PIK3C2G: variants seen among roughly 807,000 people sequenced by gnomAD.
The protein encoded by PIK3C2G is phosphatidylinositol 3-kinase C2 domain-containing subunit gamma.
Under a neutral mutation model 181.1 loss-of-function variants are expected in PIK3C2G, and 168 were observed. The ratio of observed to expected loss-of-function variants is 0.93; its 90% confidence interval spans 0.82 to 1.05. The LOEUF (loss-of-function observed/expected upper bound fraction) is 1.05. PIK3C2G is among the 50% of genes least tolerant of loss of function. The pLI is 0.00. For missense variants in PIK3C2G, 1,869 were observed against 1,732.8 expected, an observed-to-expected ratio of 1.08 and a Z score of -1.40; for synonymous variants, 573 against 592.2, an observed-to-expected ratio of 0.97 and a Z score of 0.47.
At chr12:18,579,554 T>G (rs925548380) in intron 29 of PIK3C2G, among the ~76,000 whole-genome samples, 1 of 152,064 alleles carries the variant, frequency 6.6e-6, no homozygotes, top group African/African-American at 2.4e-5. Flanking sequence ...TGTCTGTCTC[T>G]CTCTCTCTCT....
At chr12:18,651,011 G>A (rs1190140359), downstream of PIK3C2G, among the ~76,000 whole-genome samples, 2 of 151,422 alleles carry the variant, frequency 1.3e-5, no homozygotes, top group Admixed American at 1.3e-4. Context: ...ACTCTGCAGG[G>A]GCTTCTAATC....
At chr12:18,331,638 C>A (rs1169220142) in intron 8 of PIK3C2G, among the ~76,000 whole-genome samples, 1 of 151,962 alleles carries the variant, frequency 6.6e-6, no homozygotes, top group African/African-American at 2.4e-5. Context: ...GTCTATAGCC[C>A]TCTTATTTTT....
intron 8 of PIK3C2G, among the ~76,000 whole-genome samples, chr12:18,337,029 A>T (rs1011635993): frequency 2.6e-5 from 4 of 152,184 alleles, no homozygotes; most frequent in Non-Finnish European, 5.9e-5. Flanking sequence ...GTGAAAATAA[A>T]AGGAAAAACT....
upstream of PIK3C2G, among the ~76,000 whole-genome samples, chr12:18,261,377 TTTC>T (rs1948227328): frequency 6.6e-6 from 1 of 152,160 alleles, no homozygotes; most frequent in African/African-American, 2.4e-5. Flanking sequence ...GCAAACCTTT[TTTC>T]TTTTTTTTTC....
intron 24 of PIK3C2G, among the ~76,000 whole-genome samples, chr12:18,520,977 T>G (rs1486729047): frequency 1.3e-5 from 2 of 152,154 alleles, no homozygotes; most frequent in Admixed American, 6.5e-5. Flanking sequence ...TTGTTTGTTT[T>G]TTTTCTTTTA....
intron 31 of PIK3C2G, among the ~76,000 whole-genome samples, chr12:18,612,829 ATTGT>A (rs1005574066): frequency 6.6e-6 from 1 of 152,116 alleles, no homozygotes; most frequent in Non-Finnish European, 1.5e-5. Flanking sequence ...GATGAAAAGT[ATTGT>A]TTATCTTTTA....
At chr12:18,668,818 T>C in the PIK3C2G span, among the ~76,000 whole-genome samples, 1 of 152,294 alleles carries the variant, frequency 6.6e-6, no homozygotes, top group Middle Eastern at 3.4e-3. Flanking sequence ...GATACATATC[T>C]ACTCATACAT....
chr12:18,599,414 C>T (rs536324792), intron 30 of PIK3C2G, among the ~76,000 whole-genome samples: 4,268 of 151,678 alleles, frequency 0.028, 67 homozygotes, highest in Middle Eastern at 0.061. Flanking sequence ...AACCAAACAC[C>T]GCATATTCTC....
chr12:18,494,628 C>T (rs1329774061), intron 20 of PIK3C2G, among the ~76,000 whole-genome samples: 4 of 152,026 alleles, frequency 2.6e-5, no homozygotes, highest in African/African-American at 9.7e-5. Context: ...CCTTCAGCCT[C>T]CCTGAACTTG....
At chr12:18,432,533 G>C (rs945554298) in intron 18 of PIK3C2G, among the ~76,000 whole-genome samples, 4 of 152,012 alleles carry the variant, frequency 2.6e-5, no homozygotes, top group Non-Finnish European at 1.5e-5. Context: ...TAGAGATTTG[G>C]GTTAAGTCCC....
intron 26 of PIK3C2G, among the ~76,000 whole-genome samples, chr12:18,552,693 A>G (rs1005722085): frequency 1.3e-5 from 2 of 152,100 alleles, no homozygotes; most frequent in Non-Finnish European, 2.9e-5. Context: ...AGCTTTATAA[A>G]CTATTTTTAA....
chr12:18,284,155 C>A (rs1949342420), intron 2 of PIK3C2G, among the ~76,000 whole-genome samples: 1 of 152,038 alleles, frequency 6.6e-6, no homozygotes, highest in Non-Finnish European at 1.5e-5. Context: ...ATAATGTCAG[C>A]GTTTGGCTGA....
At chr12:18,499,887 G>C (rs75608497) in intron 22 of PIK3C2G, among the ~76,000 whole-genome samples, 2,249 of 152,264 alleles carry the variant, frequency 0.015, 27 homozygotes, top group Non-Finnish European at 0.024. Flanking sequence ...CAGGCCGCAC[G>C]CCTGCCATAC....
intron 13 of PIK3C2G, among the ~76,000 whole-genome samples, chr12:18,380,371 A>T (rs1942756531): frequency 6.6e-6 from 1 of 152,188 alleles, no homozygotes; most frequent in Non-Finnish European, 1.5e-5. Flanking sequence ...GCTGTGGAGA[A>T]CAATATGACC....
At chr12:18,724,434 TAA>T in the PIK3C2G span, among the ~76,000 whole-genome samples, 2 of 152,100 alleles carry the variant, frequency 1.3e-5, no homozygotes, top group African/African-American at 4.8e-5. Context: ...GAATTTCAGC[TAA>T]GAGGGAGATT....
chr12:18,704,554 T>C, the PIK3C2G span, among the ~76,000 whole-genome samples: 1 of 152,028 alleles, frequency 6.6e-6, no homozygotes, highest in Non-Finnish European at 1.5e-5. Flanking sequence ...TGTGAACTCC[T>C]AACCTCAGGG....
intron 5 of PIK3C2G, among the ~76,000 whole-genome samples, chr12:18,303,165 CT>C (rs1201687834): frequency 8.8e-6 from 1 of 113,650 alleles, no homozygotes; most frequent in Non-Finnish European, 1.8e-5. Context: ...CTTTCTCTTT[CT>C]TTCTTTCTCT....
intron 29 of PIK3C2G, among the ~76,000 whole-genome samples, chr12:18,592,067 G>A (rs1274790014): frequency 6.6e-6 from 1 of 151,806 alleles, no homozygotes; most frequent in Non-Finnish European, 1.5e-5. Context: ...AAACTATTTA[G>A]TGGTACACTT....
At chr12:18,621,946 G>A (rs934806633) in intron 31 of PIK3C2G, among the ~76,000 whole-genome samples, 3 of 151,572 alleles carry the variant, frequency 2.0e-5, no homozygotes, top group Non-Finnish European at 3.0e-5. Flanking sequence ...AATTATAATT[G>A]TATATATGTA....
Sources: gnomAD v4.1 joint callset for allele counts (sites outside exome capture counted in the v4.1 genomes callset) on GRCh38, gnomAD v4.1.1 for gene constraint, MANE v1.5 for transcripts, NCBI Gene and HGNC (gene_info 2026-07-23, HGNC 2026-07-21) for gene names.